Variants in RANBP2 observed in about 807,000 individuals in gnomAD.
The protein encoded by RANBP2 is RAN binding protein 2.
Under a neutral mutation model 303.6 loss-of-function variants are expected in RANBP2, and 57 were observed. The ratio of observed to expected loss-of-function variants is 0.19; its 90% confidence interval spans 0.15 to 0.23. The LOEUF (loss-of-function observed/expected upper bound fraction) is 0.23, where lower values mean the gene tolerates loss of function less well. Among genes scored for constraint, RANBP2 ranks in the 10% least tolerant of loss-of-function variants. The pLI is 1.00. For missense variants in RANBP2, 3,138 were observed against 3,780.8 expected (o/e 0.83, Z 4.46); for synonymous variants, 1,167 against 1,301.5 (o/e 0.90, Z 2.23).
At chr2:109,312,073 G>T in the RANBP2 span, among the ~76,000 whole-genome samples, 1 of 152,128 alleles carries the variant, frequency 6.6e-6, no homozygotes, top group Non-Finnish European at 1.5e-5. Context: ...GGGAACCTTG[G>T]TGTATGTGTT....
chr2:109,438,252 A>G, the RANBP2 span, among the ~76,000 whole-genome samples: 33 of 152,154 alleles, frequency 2.2e-4, no homozygotes, highest in Non-Finnish European at 4.4e-4. Context: ...AAGTGGGTGC[A>G]GGGTAGACTT....
intron 3 of RANBP2, among the ~76,000 whole-genome samples, 176 bp downstream of exon 3, chr2:108,731,061 G>GT (rs1695130024): frequency 6.6e-6 from 1 of 152,126 alleles, no homozygotes; most frequent in South Asian, 2.1e-4. Flanking sequence ...CCTATAAATT[G>GT]TAAGTCTAAC....
the RANBP2 span, among the ~76,000 whole-genome samples, chr2:109,539,002 T>C: frequency 6.6e-6 from 1 of 152,190 alleles, no homozygotes; most frequent in Non-Finnish European, 1.5e-5. Flanking sequence ...TATTTACATA[T>C]CATAAACAAT....
At chr2:109,272,847 C>T in the RANBP2 span, among the ~76,000 whole-genome samples, 1 of 152,168 alleles carries the variant, frequency 6.6e-6, no homozygotes, top group Non-Finnish European at 1.5e-5. Flanking sequence ...GGTTCCCGGA[C>T]TGGTGTTCTG....
chr2:109,621,843 G>A, the RANBP2 span, among the ~76,000 whole-genome samples: 1 of 151,996 alleles, frequency 6.6e-6, no homozygotes, highest in Non-Finnish European at 1.5e-5. Context: ...AACCCGGGAG[G>A]CGGAGGTTGC....
chr2:109,282,043 AGGGGATGCTGGTGGGATATGAGTG>A, the RANBP2 span, among the ~76,000 whole-genome samples: 1 of 151,970 alleles, frequency 6.6e-6, no homozygotes, highest in Non-Finnish European at 1.5e-5. Context: ...TTGGTGTCAG[AGGGGATGCTGGTGGGATATGAGTG>A]GGGGCTGCAT....
the RANBP2 span, among the ~76,000 whole-genome samples, chr2:108,971,820 A>G: frequency 1.3e-5 from 2 of 152,312 alleles, no homozygotes; most frequent in Admixed American, 6.5e-5. Context: ...AACGGGCTGG[A>G]TTTTAGTGAC....
At chr2:109,190,377 T>C in the RANBP2 span, among the ~76,000 whole-genome samples, 8 of 152,368 alleles carry the variant, frequency 5.3e-5, no homozygotes, top group Admixed American at 5.2e-4. Flanking sequence ...TTTCGCCATG[T>C]TGGCCAGGCT....
At chr2:109,656,889 A>C in the RANBP2 span, among the ~76,000 whole-genome samples, 1 of 152,216 alleles carries the variant, frequency 6.6e-6, no homozygotes, top group African/African-American at 2.4e-5. Context: ...AAGATGATGA[A>C]AATAATTTAG....
the RANBP2 span, among the ~76,000 whole-genome samples, chr2:109,645,504 G>T: frequency 6.6e-6 from 1 of 152,184 alleles, no homozygotes; most frequent in Admixed American, 6.5e-5. Flanking sequence ...TCCTCAGTTT[G>T]CTTCTGAAAG....
chr2:109,713,783 T>C, the RANBP2 span, among the ~76,000 whole-genome samples: 3 of 152,212 alleles, frequency 2.0e-5, no homozygotes, highest in African/African-American at 7.2e-5. Context: ...AACATCATGA[T>C]TGAAAGCTCT....
chr2:108,748,266 G>A (rs1675536021), intron 8 of RANBP2, among the ~76,000 whole-genome samples: 1 of 151,072 alleles, frequency 6.6e-6, no homozygotes, highest in South Asian at 2.1e-4. Context: ...GGAGTGCAGT[G>A]GCGTGATCTC....
chr2:109,564,206 A>C, the RANBP2 span: 2 of 575,792 alleles, frequency 3.5e-6, no homozygotes, highest in Non-Finnish European at 5.3e-6. Flanking sequence ...AGAAGGAGTC[A>C]AGTGATTCAA....
the RANBP2 span, among the ~76,000 whole-genome samples, chr2:108,843,421 G>A: frequency 1.3e-5 from 2 of 152,188 alleles, no homozygotes; most frequent in African/African-American, 4.8e-5. Context: ...GCCTCCCAAA[G>A]TGCTGGGATT....
chr2:108,986,402 C>T, the RANBP2 span, among the ~76,000 whole-genome samples: 1 of 152,040 alleles, frequency 6.6e-6, no homozygotes, highest in Admixed American at 6.6e-5. Flanking sequence ...TTGCTTACTC[C>T]ACTCTTATTT....
intron 7 of RANBP2, 80 bp from the exon 8 acceptor site, chr2:108,746,631 A>T: frequency 9.8e-7 from 1 of 1,017,914 alleles, no homozygotes; most frequent in Non-Finnish European, 1.4e-6. Flanking sequence ...CAAAAAAAGT[A>T]CAGTGTAATA....
the RANBP2 span, chr2:108,857,008 A>G: frequency 3.3e-5 from 34 of 1,037,052 alleles, no homozygotes; most frequent in Admixed American, 8.1e-5. Context: ...AGAAAGCAGG[A>G]TGATTTTTCT....
chr2:109,281,269 G>A, the RANBP2 span, among the ~76,000 whole-genome samples: 3 of 152,254 alleles, frequency 2.0e-5, no homozygotes, highest in African/African-American at 7.2e-5. Context: ...ACAACAGGTT[G>A]TGGGTTTTGT....
rs745864198 is a variant in RANBP2, at chr2:108,765,186, C to T, written c.4647C>T (p.Cys1549=). Residue 1549 remains cysteine, a synonymous_variant, in exon 20 of 29, where the codon TGC becomes TGT. Transcript: ENST00000283195. The part of the protein sequence containing the change: ...MFAKKEGQWD[C]SSCLVRNEAN... ...CTAAGAAGGAAGGACAGTGGGATTG[C>T]AGTTCATGCTTAGTGCGAAATGAAG... 1 of 1,614,130 alleles carries T rather than the reference C, an allele frequency of 6.2e-7. No homozygotes were observed. The highest frequency in any genetic ancestry group is 1.1e-5 in the South Asian group (1 of 91,080).
Sources: allele counts gnomAD v4.1 joint callset (sites outside exome capture counted in the v4.1 genomes callset), GRCh38; gene constraint gnomAD v4.1.1; transcripts MANE v1.5; gene names NCBI Gene and HGNC (gene_info 2026-07-23, HGNC 2026-07-21).